The following PPP4R3A variants were observed in gnomAD, a reference collection of about 807,000 sequenced individuals.
The protein encoded by PPP4R3A is protein phosphatase 4 regulatory subunit 3A, also known as serine/threonine-protein phosphatase 4 regulatory subunit 3A.
PPP4R3A carries 15 observed loss-of-function variants against 91.7 expected under a neutral mutation model. The observed-to-expected ratio is 0.16, with a 90% CI of 0.11 to 0.25. The LOEUF (loss-of-function observed/expected upper bound fraction) is 0.25, where lower values mean the gene tolerates loss of function less well. PPP4R3A is among the 10% of genes least tolerant of loss of function. The pLI is 1.00. For missense variants in PPP4R3A, 623 were observed against 998.4 expected, an observed-to-expected ratio of 0.62 and a Z score of 5.07; for synonymous variants, 377 against 348.7, an observed-to-expected ratio of 1.08 and a Z score of -0.91.
intron 2 of PPP4R3A, among the ~76,000 whole-genome samples, chr14:91,486,643 G>A (rs1465189430): frequency 6.6e-6 from 1 of 152,082 alleles, no homozygotes; most frequent in South Asian, 2.1e-4. Flanking sequence ...TATTTGGCTG[G>A]GCGTGGTGGC....
chr14:91,500,747 C>A (rs865885226), intron 1 of PPP4R3A, among the ~76,000 whole-genome samples: 1 of 152,136 alleles, frequency 6.6e-6, no homozygotes. Context: ...GTAGGCCAGG[C>A]ATGGTGGCTC....
intron 1 of PPP4R3A, among the ~76,000 whole-genome samples, chr14:91,504,590 G>A (rs942395499): frequency 4.8e-5 from 7 of 145,266 alleles, no homozygotes; most frequent in South Asian, 4.3e-4. Flanking sequence ...TGACAAGAGC[G>A]AAACACTGAC....
intron 1 of PPP4R3A, among the ~76,000 whole-genome samples, chr14:91,499,028 G>T (rs922802135): frequency 3.3e-5 from 5 of 151,630 alleles, no homozygotes; most frequent in East Asian, 1.9e-4. Flanking sequence ...CTCATGATCT[G>T]CCCCCGCCCT....
At chr14:91,501,433 G>C (rs1417544799) in intron 1 of PPP4R3A, among the ~76,000 whole-genome samples, 3 of 152,094 alleles carry the variant, frequency 2.0e-5, no homozygotes, top group African/African-American at 7.2e-5. Context: ...TAGAGAGAAT[G>C]CACCATCAAA....
chr14:91,464,543 C>T lies in PPP4R3A; in HGVS notation c.1830+707G>A, dbSNP rs543441464. The stretch of plus-strand genomic sequence containing the variant: ...ACTTGTGAGGCTAAGGTGGGAGGAT[C>T]GTTTGAGCCCAGCTGGGCAACATAG... On this transcript the variant is annotated intron_variant, in intron 11 of 14. Coordinates refer to ENST00000554943, the MANE Select transcript of PPP4R3A (RefSeq NM_001366432.2). Among the ~76,000 whole-genome samples, 14 of 152,100 alleles carry T rather than the reference C, an allele frequency of 9.2e-5. No individual in the cohort carries two copies. The East Asian group carries it at 2.3e-3, about 25-fold the overall frequency.
At chr14:91,466,026 C>T (rs575674118) in intron 10 of PPP4R3A, among the ~76,000 whole-genome samples, 5 of 152,108 alleles carry the variant, frequency 3.3e-5, no homozygotes, top group East Asian at 1.9e-4. Context: ...CTTATTGTAG[C>T]GAGTATGCTT....
chr14:91,461,616 G>A lies in PPP4R3A; in HGVS notation c.2165-9C>T, dbSNP rs754220014. 1.9e-6 allele frequency: 3 copies of A among 1,612,244 alleles called. No individual in the cohort carries two copies. The East Asian group carries it at 6.7e-5, about 36-fold the overall frequency. Reference sequence around the variant, plus strand: ...TTCCTCACTTTCTTTTACTAAAAATGAGAATACTGTCAATAGTCGTCCCCC... The same window carrying A: ...TTCCTCACTTTCTTTTACTAAAAATAAGAATACTGTCAATAGTCGTCCCCC... On this transcript the variant is annotated splice_polypyrimidine_tract_variant and intron_variant, in intron 13 of 14. Transcript: ENST00000554943.
chr14:91,460,435 GAAAA>G (rs896115274), intron 14 of PPP4R3A, among the ~76,000 whole-genome samples: 9 of 146,024 alleles, frequency 6.2e-5, no homozygotes, highest in African/African-American at 2.3e-4. Context: ...GCTCACGCCA[GAAAA>G]AAAAAAGACT....
intron 9 of PPP4R3A, among the ~76,000 whole-genome samples, chr14:91,472,038 C>T (rs1220632166): frequency 7.9e-6 from 1 of 126,426 alleles, no homozygotes; most frequent in Admixed American, 1.0e-4. Context: ...ACACTCCAGC[C>T]TGGGCAACAG....
chr14:91,460,612 T>C (rs1430843797), intron 14 of PPP4R3A, among the ~76,000 whole-genome samples: 1 of 151,202 alleles, frequency 6.6e-6, no homozygotes, highest in Non-Finnish European at 1.5e-5. Flanking sequence ...GCATGTTTTC[T>C]ACATTTTTTC....
At position 91,465,545 on chromosome 14, in the gene PPP4R3A, T is replaced by C. The variant is rs1888420914; in HGVS notation, c.1661-126A>G. 4 of 778,016 alleles carry C rather than the reference T, an allele frequency of 5.1e-6. No individual in the cohort carries two copies. In the East Asian group the frequency reaches 8.9e-5, roughly 17 times the overall value. The allele number at this position is 778,016 out of a possible 1,614,324, so 48.2% of individuals were successfully genotyped here. ...ACATATCAATAATTATTTATGATGT[T>C]TGCACTTCCGGAACTGTGAACCTAA... On this transcript the variant is annotated intron_variant, in intron 10 of 14. Coordinates refer to ENST00000554943, the MANE Select transcript of PPP4R3A (RefSeq NM_001366432.2).
In PPP4R3A at chr14:91,509,912, G is replaced by A. The variant is rs1371651776; in HGVS notation, c.-265C>T. On this transcript the variant is annotated 5_prime_UTR_variant, in exon 1 of 15. Coordinates refer to ENST00000554943, the MANE Select transcript of PPP4R3A (RefSeq NM_001366432.2). ...CCCGGCGCCCGGCAGCCCCGAGGGG[G>A]CCGCGCAGCGCTTCGTAGCCTCCCG... 5 of 1,058,226 alleles carry A rather than the reference G, an allele frequency of 4.7e-6. No homozygotes were observed. The highest frequency in any genetic ancestry group is 4.4e-5 in the South Asian group (1 of 22,884). 65.6% of individuals were successfully genotyped at this position (1,058,226 alleles called of 1,614,324 possible). A position where few individuals can be genotyped will look rare whatever the true frequency, so the allele number is the denominator to read the frequency against.
At chr14:91,490,877 T>G in intron 1 of PPP4R3A, 75 bp from the exon 2 acceptor site, 1 of 695,988 alleles carries the variant, frequency 1.4e-6, no homozygotes, top group Non-Finnish European at 2.2e-6. Context: ...TACACACATA[T>G]TTCCTTAAAA....
chr14:91,499,029 C>T (rs1054054569), intron 1 of PPP4R3A, among the ~76,000 whole-genome samples: 3 of 151,860 alleles, frequency 2.0e-5, no homozygotes, highest in Non-Finnish European at 2.9e-5. Context: ...TCATGATCTG[C>T]CCCCGCCCTG....
chr14:91,471,438 T>G (rs1479054521), intron 9 of PPP4R3A, among the ~76,000 whole-genome samples: 1 of 152,244 alleles, frequency 6.6e-6, no homozygotes, highest in Non-Finnish European at 1.5e-5. Flanking sequence ...CAGTGTGTTT[T>G]GTGCCTCCTT....
In PPP4R3A at chr14:91,465,326, T is replaced by G. The variant is rs745788259; in HGVS notation, c.1754A>C (p.Lys585Thr). The G allele has an allele frequency of 6.2e-6, 10 of 1,610,134 alleles. No homozygotes were observed. In the East Asian group the frequency reaches 2.0e-4, roughly 32 times the overall value. Residue 585 changes from lysine (K) to threonine (T), a missense_variant, in exon 11 of 15, where the codon AAA becomes ACA. Physicochemically the swap from Lys to Thr is moderately conservative, Grantham distance 78. Around this residue, in one of 5 missense-constraint regions of PPP4R3A, gnomAD observed 87 missense variants for 233.9 expected, o/e 0.37. Transcript: ENST00000554943. ...GCGGGATCCATTGTTGAGAAATGCT[T>G]TCACTACTGGTTCAAACAAAAAACT... ...MKSFLFEPVV[K>T]AFLNNGSRYN...
chr14:91,483,090 T>C (rs1889671130), intron 3 of PPP4R3A, among the ~76,000 whole-genome samples: 1 of 152,194 alleles, frequency 6.6e-6, no homozygotes, highest in Non-Finnish European at 1.5e-5. Flanking sequence ...GTAACTTATA[T>C]TGACTACATT....
chr14:91,465,475 C>T (rs1888416002), intron 10 of PPP4R3A, 56 bp from the exon 11 acceptor site: 2 of 1,420,626 alleles, frequency 1.4e-6, no homozygotes, highest in Admixed American at 2.7e-5. Context: ...ATACTTTAGA[C>T]TTACCAAACA....
Position 91,482,093 on chromosome 14 carries a change from G to A in PPP4R3A, c.398C>T (p.Pro133Leu). The change falls in exon 4 of 15, where the codon CCA (proline) becomes CTA (leucine). Residue 133 changes from proline (P) to leucine (L), a missense_variant. This residue lies in a region of PPP4R3A where 264 missense variants were observed against 377.3 expected (regional missense o/e 0.70). Transcript: ENST00000554943. ...TTCAAGGCGACTTAATTCACAAGAT[G>A]GCAATTCTAAGCCTGGCGATGACAT... Reference protein sequence around the residue: ...DDMSSPGLELPSCELSRLEEI... With the variant: ...DDMSSPGLELLSCELSRLEEI... The A allele has an allele frequency of 6.2e-7, 1 of 1,614,094 alleles. No individual in the cohort carries two copies. Among genetic ancestry groups the A allele is most frequent in the Non-Finnish European group, 8.5e-7 (1 of 1,180,036 alleles).
Sources: gnomAD v4.1 joint callset for allele counts (sites outside exome capture counted in the v4.1 genomes callset) on GRCh38, gnomAD v4.1.1 for gene constraint, gnomAD v4.1.1 regional missense constraint, MANE v1.5 for transcripts, NCBI Gene and HGNC (gene_info 2026-07-23, HGNC 2026-07-21) for gene names.